The following TEAD1 variants were observed in gnomAD, a reference collection of about 807,000 sequenced individuals.
The protein encoded by TEAD1 is TEA domain transcription factor 1.
In TEAD1, 9 loss-of-function variants were observed where a neutral mutation model predicts 54.9. That is an observed-to-expected ratio of 0.16 (90% CI 0.10 to 0.29). TEAD1 has a LOEUF of 0.29. TEAD1 is among the 10% of genes least tolerant of loss of function. TEAD1 has a pLI of 1.00. For missense variants in TEAD1, 387 were observed against 535.9 expected, an observed-to-expected ratio of 0.72 and a Z score of 2.74; for synonymous variants, 200 against 187.8, an observed-to-expected ratio of 1.07 and a Z score of -0.53.
chr11:12,890,757 A>G (rs1164268758), intron 9 of TEAD1, among the ~76,000 whole-genome samples: 1 of 152,098 alleles, frequency 6.6e-6, no homozygotes, highest in Non-Finnish European at 1.5e-5. Flanking sequence ...TTCTAACAGG[A>G]GTCAGAATAT....
At chr11:12,766,996 T>G (rs1244789925) in intron 3 of TEAD1, among the ~76,000 whole-genome samples, 2 of 152,126 alleles carry the variant, frequency 1.3e-5, no homozygotes, top group African/African-American at 4.8e-5. Context: ...CTGGTCGACA[T>G]GAGGAGCTTT....
intron 3 of TEAD1, among the ~76,000 whole-genome samples, chr11:12,832,874 G>A (rs975273204): frequency 6.6e-6 from 1 of 151,560 alleles, no homozygotes; most frequent in African/African-American, 2.4e-5. Flanking sequence ...TGTACTGCAG[G>A]CACCTGCTAG....
At chr11:12,699,699 G>T (rs1486152418) in intron 2 of TEAD1, among the ~76,000 whole-genome samples, 2 of 152,142 alleles carry the variant, frequency 1.3e-5, no homozygotes, top group Admixed American at 6.5e-5. Context: ...CAGTGTAATT[G>T]CTCAGTGTCT....
At chr11:12,737,465 C>T (rs545460467) in intron 2 of TEAD1, among the ~76,000 whole-genome samples, 1 of 152,198 alleles carries the variant, frequency 6.6e-6, no homozygotes, top group African/African-American at 2.4e-5. Flanking sequence ...AGACAGCTCA[C>T]AAGCAAGTGT....
At chr11:12,682,454 T>TA (rs1468933579) in intron 2 of TEAD1, among the ~76,000 whole-genome samples, 2 of 152,122 alleles carry the variant, frequency 1.3e-5, no homozygotes, top group Non-Finnish European at 2.9e-5. Flanking sequence ...TCTGGCTGCT[T>TA]ATAGAGGTTT....
intron 3 of TEAD1, among the ~76,000 whole-genome samples, chr11:12,837,123 A>G (rs1946908844): frequency 1.3e-5 from 2 of 152,238 alleles, no homozygotes; most frequent in African/African-American, 2.4e-5. Context: ...TTAACTACTT[A>G]TAATGTCCAA....
chr11:12,720,346 CAT>C (rs1173122586), intron 2 of TEAD1, among the ~76,000 whole-genome samples: 1 of 152,030 alleles, frequency 6.6e-6, no homozygotes, highest in Non-Finnish European at 1.5e-5. Flanking sequence ...GAATGCAGAA[CAT>C]ATAGATACAT....
At chr11:12,775,734 C>G (rs1945402787) in intron 3 of TEAD1, among the ~76,000 whole-genome samples, 1 of 152,098 alleles carries the variant, frequency 6.6e-6, no homozygotes. Flanking sequence ...GTGGTTGCCA[C>G]AGGGAGATGG....
intron 2 of TEAD1, among the ~76,000 whole-genome samples, chr11:12,682,799 A>G (rs1396991767): frequency 6.6e-6 from 1 of 152,206 alleles, no homozygotes; most frequent in Non-Finnish European, 1.5e-5. Flanking sequence ...CAGATTAGCA[A>G]GGAAAACAGG....
chr11:12,725,798 G>A (rs1944298903), intron 2 of TEAD1, among the ~76,000 whole-genome samples: 1 of 152,192 alleles, frequency 6.6e-6, no homozygotes, highest in African/African-American at 2.4e-5. Flanking sequence ...GGTCGAGCTG[G>A]TTGTACAGGA....
At chr11:12,740,359 A>T (rs781458031) in intron 2 of TEAD1, among the ~76,000 whole-genome samples, 2 of 152,194 alleles carry the variant, frequency 1.3e-5, no homozygotes, top group Admixed American at 6.5e-5. Flanking sequence ...TGCTAGTGTA[A>T]TGTTATTGCT....
At chr11:12,878,054 A>C (rs1256606275) in intron 5 of TEAD1, among the ~76,000 whole-genome samples, 1 of 151,606 alleles carries the variant, frequency 6.6e-6, no homozygotes, top group Non-Finnish European at 1.5e-5. Context: ...TAATCCTCCC[A>C]CCTCAGCCTC....
At chr11:12,920,704 A>G (rs114255635) in intron 10 of TEAD1, among the ~76,000 whole-genome samples, 13 of 152,318 alleles carry the variant, frequency 8.5e-5, no homozygotes, top group African/African-American at 2.9e-4. Context: ...AACTAGTACA[A>G]TGTTAGCTTA....
intron 2 of TEAD1, among the ~76,000 whole-genome samples, chr11:12,720,311 TGTGG>T (rs1944165888): frequency 6.6e-6 from 1 of 152,170 alleles, no homozygotes; most frequent in Admixed American, 6.5e-5. Context: ...AGTGTTTTTA[TGTGG>T]ACTGGGAAGA....
intron 3 of TEAD1, among the ~76,000 whole-genome samples, chr11:12,810,358 C>T (rs923884186): frequency 6.6e-6 from 1 of 152,100 alleles, no homozygotes; most frequent in Admixed American, 6.5e-5. Context: ...TGGGAAGTGT[C>T]CGGATGTATG....
intron 2 of TEAD1, among the ~76,000 whole-genome samples, chr11:12,739,186 A>G (rs1489592614): frequency 6.6e-6 from 1 of 151,226 alleles, no homozygotes; most frequent in East Asian, 1.9e-4. Flanking sequence ...CTTTGCTTTG[A>G]GGTCTCATTC....
intron 5 of TEAD1, among the ~76,000 whole-genome samples, chr11:12,876,378 A>G (rs1395683965): frequency 6.6e-6 from 1 of 152,110 alleles, no homozygotes; most frequent in Non-Finnish European, 1.5e-5. Context: ...ACTCATTTGG[A>G]CCTGGACTTA....
chr11:12,896,447 T>C (rs1330294304), intron 9 of TEAD1, among the ~76,000 whole-genome samples: 2 of 152,208 alleles, frequency 1.3e-5, no homozygotes, highest in Non-Finnish European at 2.9e-5. Flanking sequence ...GCAAGGAAGG[T>C]CAGTTTTCTG....
chr11:12,820,205 A>G (rs968922536), intron 3 of TEAD1, among the ~76,000 whole-genome samples: 5 of 152,136 alleles, frequency 3.3e-5, no homozygotes, highest in African/African-American at 9.7e-5. Flanking sequence ...TGAATAATGT[A>G]TACTCAGGAC....
Sources: allele counts gnomAD v4.1 joint callset (sites outside exome capture counted in the v4.1 genomes callset), GRCh38; gene constraint gnomAD v4.1.1; transcripts MANE v1.5; gene names NCBI Gene and HGNC (gene_info 2026-07-23, HGNC 2026-07-21).